CSTL1: variants seen among roughly 807,000 people sequenced by gnomAD.
The protein encoded by CSTL1 is cystatin like 1.
Under a neutral mutation model 14.4 loss-of-function variants are expected in CSTL1, and 14 were observed. The observed-to-expected ratio is 0.97, with a 90% CI of 0.64 to 1.52. CSTL1 has a LOEUF of 1.52. CSTL1 is among the 40% of genes most tolerant of loss of function. The pLI, the probability that CSTL1 is intolerant of heterozygous loss-of-function variation, is 0.00. For synonymous variants in CSTL1, 72 were observed against 67.5 expected (o/e 1.07, Z -0.33); for missense variants, 170 against 168.7 (o/e 1.01, Z -0.04).
chr20:23,443,184 G>T (rs909640507), intron 2 of CSTL1, among the ~76,000 whole-genome samples: 2 of 152,344 alleles, frequency 1.3e-5, no homozygotes, highest in South Asian at 2.1e-4. Flanking sequence ...TACAGAGTCT[G>T]CAGGGGGTAA....
In CSTL1 at chr20:23,440,434, G is replaced by A; in HGVS notation, c.167G>A (p.Ser56Asn). ...NFFIQSYNNA[S>N]NDTYLYRVQR... Reference sequence around the variant, plus strand: ...TTCATTCAATCCTACAACAATGCCAGCAACGACACCTACTTATATCGAGTC... The same window carrying A: ...TTCATTCAATCCTACAACAATGCCAACAACGACACCTACTTATATCGAGTC... Residue 56 changes from serine to asparagine, a missense_variant, in exon 2 of 4, where the codon AGC becomes AAC. Ser to Asn is a conservative substitution (Grantham distance 46, BLOSUM62 1). Transcript: ENST00000347397. The A allele has an allele frequency of 3.1e-6, 5 of 1,614,168 alleles. No individual in the cohort carries two copies. The highest frequency in any genetic ancestry group is 4.2e-6 in the Non-Finnish European group (5 of 1,180,012).
intron 3 of CSTL1, 79 bp downstream of exon 3, chr20:23,444,123 C>A: frequency 7.5e-7 from 1 of 1,335,158 alleles, no homozygotes; most frequent in Non-Finnish European, 1.1e-6. Context: ...GGCAGTTTTG[C>A]CACTTGTGTG....
chr20:23,452,317 C>T, the CSTL1 span, among the ~76,000 whole-genome samples: 1 of 152,210 alleles, frequency 6.6e-6, no homozygotes, highest in South Asian at 2.1e-4. Flanking sequence ...CACAGGCATG[C>T]TCATGGCTAG....
At chr20:23,452,065 A>C in the CSTL1 span, 1 of 584,152 alleles carries the variant, frequency 1.7e-6, no homozygotes, top group Non-Finnish European at 3.1e-6. Context: ...CCTCTATTTG[A>C]CTCATGATTG....
chr20:23,455,882 A>C, the CSTL1 span, among the ~76,000 whole-genome samples: 5 of 152,216 alleles, frequency 3.3e-5, no homozygotes, highest in Admixed American at 3.3e-4. Flanking sequence ...AGCAGTGTGA[A>C]GAACACCACA....
chr20:23,440,578 G>C (rs760923567), intron 2 of CSTL1, 92 bp downstream of exon 2: 5 of 963,036 alleles, frequency 5.2e-6, no homozygotes, highest in African/African-American at 4.8e-5. Flanking sequence ...AGAGAACCAA[G>C]TGGTGGTCCT....
At chr20:23,452,972 G>A in the CSTL1 span, 3 of 612,484 alleles carry the variant, frequency 4.9e-6, no homozygotes, top group African/African-American at 1.8e-5. Flanking sequence ...AGCTGAACTC[G>A]AGGGGAGAGC....
At chr20:23,446,319 G>A (rs1418977619), downstream of CSTL1, among the ~76,000 whole-genome samples, 1 of 151,370 alleles carries the variant, frequency 6.6e-6, no homozygotes, top group East Asian at 1.9e-4. Flanking sequence ...GCCGTGGCAC[G>A]ATCTTGGCTC....
chr20:23,446,202 T>G (rs558337932), downstream of CSTL1, among the ~76,000 whole-genome samples: 1 of 151,904 alleles, frequency 6.6e-6, no homozygotes, highest in South Asian at 2.1e-4. Flanking sequence ...CTGTTGACCC[T>G]CCAAGTTCTC....
At chr20:23,454,967 T>C in the CSTL1 span, among the ~76,000 whole-genome samples, 4 of 152,280 alleles carry the variant, frequency 2.6e-5, no homozygotes, top group East Asian at 7.7e-4. Context: ...GTTTGAGACA[T>C]AGAGGAATTT....
the CSTL1 span, among the ~76,000 whole-genome samples, chr20:23,453,142 C>T: frequency 6.6e-6 from 1 of 151,804 alleles, no homozygotes; most frequent in Admixed American, 6.6e-5. Flanking sequence ...CCCTGGGAGT[C>T]CTGGAGGATG....
chr20:23,444,141 G>A, intron 3 of CSTL1, 97 bp downstream of exon 3: 1 of 1,008,056 alleles, frequency 9.9e-7, no homozygotes, highest in Non-Finnish European at 1.5e-6. Flanking sequence ...GTGGATTGGG[G>A]CCAGCTGGGG....
Position 23,444,927 on chromosome 20 carries a change from A to G in CSTL1, c.*49A>G. ...ACTGGCTGTTATTAAACTGTAAAGG[A>G]TCATGTCTCCCTCATTGGGGTCTTA... On this transcript the variant is annotated 3_prime_UTR_variant, in exon 4 of 4. Coordinates refer to ENST00000347397, the MANE Select transcript of CSTL1 (RefSeq NM_138283.1). 1 of 1,263,348 alleles carries G rather than the reference A, an allele frequency of 7.9e-7. No homozygotes were observed. Among genetic ancestry groups the G allele is most frequent in the Non-Finnish European group, 1.2e-6 (1 of 861,222 alleles). The allele number at this position is 1,263,348 out of a possible 1,614,324, so 78.3% of individuals were successfully genotyped here.
intron 2 of CSTL1, among the ~76,000 whole-genome samples, chr20:23,443,062 C>T (rs1986873500): frequency 6.6e-6 from 1 of 152,306 alleles, no homozygotes; most frequent in Middle Eastern, 3.4e-3. Context: ...CATGCGTTCT[C>T]CATGGCTCGT....
chr20:23,446,263 T>C (rs1021945930), downstream of CSTL1, among the ~76,000 whole-genome samples: 1 of 151,962 alleles, frequency 6.6e-6, no homozygotes, highest in African/African-American at 2.4e-5. Context: ...CTTTTTTTTT[T>C]TTCTTTTTTT....
At chr20:23,448,640 C>T (rs985398151), downstream of CSTL1, among the ~76,000 whole-genome samples, 18 of 152,208 alleles carry the variant, frequency 1.2e-4, no homozygotes, top group African/African-American at 3.4e-4. Context: ...GCCCCCACAA[C>T]GTTGGCTGAG....
chr20:23,453,266 C>G, the CSTL1 span, among the ~76,000 whole-genome samples: 1 of 152,104 alleles, frequency 6.6e-6, no homozygotes, highest in African/African-American at 2.4e-5. Flanking sequence ...CACTCTCCCC[C>G]AGCCTGGTTC....
At chr20:23,452,648 T>C in the CSTL1 span, 1 of 1,614,122 alleles carries the variant, frequency 6.2e-7, no homozygotes, top group African/African-American at 1.3e-5. Context: ...TTCCTTGTTA[T>C]ACTGGTCGGT....
chr20:23,444,069 G>T, intron 3 of CSTL1, 25 bp downstream of exon 3: 1 of 1,585,620 alleles, frequency 6.3e-7, no homozygotes. Context: ...TCATCCCAAA[G>T]GGACTTGTGA....
Sources: allele counts gnomAD v4.1 joint callset (sites outside exome capture counted in the v4.1 genomes callset), GRCh38; gene constraint gnomAD v4.1.1; transcripts MANE v1.5; gene names NCBI Gene and HGNC (gene_info 2026-07-23, HGNC 2026-07-21).